Variants in SUPT3H observed in about 807,000 individuals in gnomAD.
SUPT3H encodes SPT3 homolog, SAGA and STAGA complex component.
A neutral mutation model predicts 44.3 loss-of-function variants in SUPT3H; 44 were observed. That is an observed-to-expected ratio of 0.99 (90% CI 0.78 to 1.28). SUPT3H has a LOEUF of 1.28. SUPT3H is among the 50% of genes most tolerant of loss of function. The pLI, the probability that SUPT3H is intolerant of heterozygous loss-of-function variation, is 0.00. For missense variants in SUPT3H, 380 were observed against 387.1 expected (o/e 0.98, Z 0.15); for synonymous variants, 124 against 125.6 (o/e 0.99, Z 0.09).
rs564752819 is a variant in SUPT3H at position 45,247,101 on chromosome 6, A to G, written c.101+118100T>C. Among the ~76,000 whole-genome samples, 7 of 152,346 alleles carry G rather than the reference A, an allele frequency of 4.6e-5. No individual in the cohort carries two copies. In the East Asian group the frequency reaches 1.3e-3, roughly 29 times the overall value. ...ATCCCAATGGATCCCACAGATGCTAAAAGGATAATAAAGGAATACTATAAG... is the reference window on the plus strand; with the variant it reads ...ATCCCAATGGATCCCACAGATGCTAGAAGGATAATAAAGGAATACTATAAG... On this transcript the variant is annotated intron_variant, in intron 2 of 10. Transcript: ENST00000371459.
Position 44,817,616 on chromosome 6 carries a change from G to A in SUPT3H, c.*53-8115C>T, listed in dbSNP as rs186744954. On this transcript the variant is annotated intron_variant and NMD_transcript_variant, in intron 11 of 11. Coordinates refer to the SUPT3H transcript ENST00000475057. ...CCCACCACCTCAGCAATCTATTAGAGCTAGTAAGTTCAGCAAGGTTTTAGC... is the reference window on the plus strand; with the variant it reads ...CCCACCACCTCAGCAATCTATTAGAACTAGTAAGTTCAGCAAGGTTTTAGC... Among the ~76,000 whole-genome samples the A allele has an allele frequency of 2.0e-3, 303 of 152,118 alleles. 1 individual carries two copies. The Middle Eastern group carries it at 0.031, about 15-fold the overall frequency.
intron 2 of SUPT3H, among the ~76,000 whole-genome samples, chr6:45,285,571 C>T (rs1779082603): frequency 6.6e-6 from 1 of 152,046 alleles, no homozygotes; most frequent in African/African-American, 2.4e-5. Flanking sequence ...GAACTACAAA[C>T]CACTGCTCAA....
intron 2 of SUPT3H, among the ~76,000 whole-genome samples, chr6:45,359,401 T>C (rs1358476570): frequency 6.6e-6 from 1 of 152,196 alleles, no homozygotes; most frequent in African/African-American, 2.4e-5. Context: ...TCCTAATTAC[T>C]ATTATAGTTA....
chr6:45,284,309 GT>G (rs200978130), intron 2 of SUPT3H, among the ~76,000 whole-genome samples: 1 of 151,608 alleles, frequency 6.6e-6, no homozygotes, highest in Non-Finnish European at 1.5e-5. Flanking sequence ...CCAGGAGCTG[GT>G]TTTTTTTGAA....
intron 1 of SUPT3H, among the ~76,000 whole-genome samples, chr6:45,368,941 C>T (rs757547546): frequency 2.6e-5 from 4 of 151,996 alleles, no homozygotes; most frequent in Non-Finnish European, 5.9e-5. Context: ...AATCAGGTTA[C>T]ATCATGATCT....
At chr6:45,028,474 AC>A (rs1786375622) in intron 3 of SUPT3H, among the ~76,000 whole-genome samples, 7 of 130,568 alleles carry the variant, frequency 5.4e-5, no homozygotes, top group Non-Finnish European at 1.3e-4. Flanking sequence ...GACAGTTCTC[AC>A]CTGCTATTTA....
chr6:45,249,196 C>G (rs1294999822), intron 2 of SUPT3H, among the ~76,000 whole-genome samples: 1 of 151,960 alleles, frequency 6.6e-6, no homozygotes, highest in Non-Finnish European at 1.5e-5. Flanking sequence ...GTTAATCTTC[C>G]CTCATTTTCT....
rs192349059 is a variant in SUPT3H, at chr6:45,022,455, C to A, written c.187-1823G>T. 7.4e-3 allele frequency among the ~76,000 whole-genome samples: 1,108 copies of A among 149,568 alleles called. 8 individuals are homozygous for A. Among genetic ancestry groups the A allele is most frequent in the Non-Finnish European group, 0.012 (832 of 67,632 alleles). Reference sequence around the variant, plus strand: ...TTTTATTTTCAGAACCAATACATGACCACTGTAAGGATCTGGAATTTATAT... The same window carrying A: ...TTTTATTTTCAGAACCAATACATGAACACTGTAAGGATCTGGAATTTATAT... On this transcript the variant is annotated intron_variant, in intron 3 of 10. Transcript: ENST00000371459.
chr6:45,192,733 G>C (rs1315154892), intron 2 of SUPT3H, among the ~76,000 whole-genome samples: 1 of 152,110 alleles, frequency 6.6e-6, no homozygotes, highest in Non-Finnish European at 1.5e-5. Context: ...AAAAGGCACA[G>C]AGAACTTAAT....
At chr6:44,973,700 G>A (rs1432057812) in intron 6 of SUPT3H, among the ~76,000 whole-genome samples, 2 of 152,152 alleles carry the variant, frequency 1.3e-5, no homozygotes, top group Admixed American at 6.5e-5. Context: ...CAGAGATTGG[G>A]TAATTTATAA....
chr6:44,904,760 C>A (rs1200067644), intron 10 of SUPT3H, among the ~76,000 whole-genome samples: 5 of 152,180 alleles, frequency 3.3e-5, no homozygotes, highest in Non-Finnish European at 7.3e-5. Context: ...CGCTACCTGA[C>A]TTCAAACTAT....
intron 3 of SUPT3H, among the ~76,000 whole-genome samples, chr6:45,071,149 G>T (rs1053385712): frequency 1.6e-4 from 24 of 152,114 alleles, no homozygotes; most frequent in African/African-American, 5.5e-4. Context: ...TTTCAGGCAG[G>T]TTCCTATTTG....
At chr6:45,370,775 T>C (rs1438660247) in intron 1 of SUPT3H, among the ~76,000 whole-genome samples, 1 of 152,192 alleles carries the variant, frequency 6.6e-6, no homozygotes, top group Non-Finnish European at 1.5e-5. Context: ...TACCTGAGCA[T>C]CTTTTTGAAC....
chr6:45,282,584 G>C (rs939962559), intron 2 of SUPT3H, among the ~76,000 whole-genome samples: 1 of 152,202 alleles, frequency 6.6e-6, no homozygotes, highest in African/African-American at 2.4e-5. Context: ...ATGGGACTAT[G>C]TGAAAAGACC....
At chr6:45,267,764 GA>G in intron 2 of SUPT3H, among the ~76,000 whole-genome samples, 1 of 152,156 alleles carries the variant, frequency 6.6e-6, no homozygotes, top group South Asian at 2.1e-4. Context: ...GCCTTACAAG[GA>G]CTTAAGAGGC....
chr6:44,879,009 G>A (rs528719181), intron 10 of SUPT3H, among the ~76,000 whole-genome samples: 1 of 152,236 alleles, frequency 6.6e-6, no homozygotes, highest in South Asian at 2.1e-4. Flanking sequence ...TGTTTGGGCA[G>A]ACACCGAGCT....
At chr6:45,271,434 T>G (rs1776126318) in intron 2 of SUPT3H, among the ~76,000 whole-genome samples, 2 of 152,184 alleles carry the variant, frequency 1.3e-5, no homozygotes, top group South Asian at 4.1e-4. Context: ...GGCCAAGGTA[T>G]AGCTCGGGCT....
intron 2 of SUPT3H, among the ~76,000 whole-genome samples, chr6:45,285,049 A>G (rs1037602410): frequency 4.6e-5 from 7 of 152,094 alleles, no homozygotes; most frequent in African/African-American, 1.7e-4. Flanking sequence ...ACAGCCCTTC[A>G]TGCTAAAAAC....
chr6:45,241,201 A>G (rs12190367), intron 2 of SUPT3H, among the ~76,000 whole-genome samples: 33,279 of 151,704 alleles, frequency 0.22, 4,454 homozygotes, highest in Non-Finnish European at 0.31. Flanking sequence ...ACATGTTGGG[A>G]ACAGGCCCCC....
Sources: gnomAD v4.1 joint callset for allele counts (sites outside exome capture counted in the v4.1 genomes callset) on GRCh38, gnomAD v4.1.1 for gene constraint, MANE v1.5 for transcripts, NCBI Gene and HGNC (gene_info 2026-07-23, HGNC 2026-07-21) for gene names.